The following LSM4 variants were observed in gnomAD, a reference collection of about 807,000 sequenced individuals.
LSM4 encodes U6 snRNA-associated Sm-like protein LSm4.
Under a neutral mutation model 22.3 loss-of-function variants are expected in LSM4, and 15 were observed. The ratio of observed to expected loss-of-function variants is 0.67; its 90% CI spans 0.45 to 1.03. The LOEUF is 1.03. Among genes scored for constraint, LSM4 ranks in the 50% least tolerant of loss-of-function variants. The pLI is 0.00. For missense variants in LSM4, 127 were observed against 198.0 expected (o/e 0.64, Z 2.15); for synonymous variants, 90 against 79.8 (o/e 1.13, Z -0.68).
rs1970310345 is a variant in LSM4 at position 18,312,604 on chromosome 19, C to T, written c.144G>A (p.Arg48=). The change falls in exon 3 of 5, where the codon AGG becomes AGA. Residue 48 remains arginine, a splice_region_variant and synonymous_variant. Transcript: ENST00000593829. Reference sequence around the variant, plus strand: ...CCCCGTTGGTGGGTGCAGCACCCACCCTGGACGTGCAGATGACTTCTCGCA... The same window carrying T: ...CCCCGTTGGTGGGTGCAGCACCCACTCTGGACGTGCAGATGACTTCTCGCA... ...INLREVICTS[R]DGDKFWRMPE... 6.2e-7 allele frequency: 1 copy of T among 1,613,634 alleles called. No individual in the cohort carries two copies. The highest frequency in any genetic ancestry group is 1.3e-5 in the African/African-American group (1 of 75,034).
intron 3 of LSM4, among the ~76,000 whole-genome samples, chr19:18,311,792 G>A (rs545393081): frequency 3.3e-5 from 5 of 152,288 alleles, no homozygotes; most frequent in East Asian, 3.9e-4. Flanking sequence ...GCCCAGTCCC[G>A]GGTGGGGGTG....
intron 1 of LSM4, among the ~76,000 whole-genome samples, chr19:18,322,772 CT>C (rs1243454338): frequency 1.3e-5 from 2 of 151,892 alleles, no homozygotes; most frequent in Non-Finnish European, 2.9e-5. Context: ...ACTGGGAAAA[CT>C]AACTAAGGCG....
intron 3 of LSM4, among the ~76,000 whole-genome samples, chr19:18,311,371 G>A (rs897596358): frequency 6.6e-6 from 1 of 152,152 alleles, no homozygotes; most frequent in Non-Finnish European, 1.5e-5. Flanking sequence ...CCAGCCACAT[G>A]TGACGGCAGC....
At chr19:18,310,139 T>C in intron 3 of LSM4, 1 of 452,482 alleles carries the variant, frequency 2.2e-6, no homozygotes, top group Non-Finnish European at 3.9e-6. Context: ...CCTCTGCCCG[T>C]GGGCCTGGCT....
chr19:18,307,947 CGG>C (rs145944198), intron 4 of LSM4, among the ~76,000 whole-genome samples: 1 of 120,826 alleles, frequency 8.3e-6, no homozygotes, highest in African/African-American at 3.1e-5. Flanking sequence ...GGCTCCCTGG[CGG>C]GGGGGGGGCC....
intron 1 of LSM4, chr19:18,316,337 ATTTTTTTT>A (rs35435536): frequency 1.6e-5 from 2 of 123,262 alleles, no homozygotes; most frequent in East Asian, 4.2e-4. Flanking sequence ...ACTCTGGTCA[ATTTTTTTT>A]TTTTTTTTTT....
intron 3 of LSM4, among the ~76,000 whole-genome samples, chr19:18,311,326 G>A (rs1442058280): frequency 2.0e-5 from 3 of 152,164 alleles, no homozygotes; most frequent in Non-Finnish European, 4.4e-5. Context: ...GCCCCACTTA[G>A]ATGGGGACGA....
At chr19:18,316,281 C>T (rs1034438158) in intron 1 of LSM4, 4 of 481,088 alleles carry the variant, frequency 8.3e-6, no homozygotes, top group African/African-American at 6.0e-5. Flanking sequence ...CCTCACACAC[C>T]CTCCCTACTC....
At chr19:18,311,045 G>C (rs1010695734) in intron 3 of LSM4, among the ~76,000 whole-genome samples, 52 of 152,292 alleles carry the variant, frequency 3.4e-4, no homozygotes, top group African/African-American at 1.2e-3. Flanking sequence ...AGCGCTGGGC[G>C]GGGAGGAACA....
At chr19:18,310,442 G>T (rs949679332) in intron 3 of LSM4, among the ~76,000 whole-genome samples, 1 of 152,326 alleles carries the variant, frequency 6.6e-6, no homozygotes, top group African/African-American at 2.4e-5. Flanking sequence ...CGGGAAATGG[G>T]GGGACTTGGG....
intron 1 of LSM4, among the ~76,000 whole-genome samples, chr19:18,317,418 C>T (rs1040868242): frequency 1.3e-5 from 2 of 151,804 alleles, no homozygotes; most frequent in Non-Finnish European, 2.9e-5. Context: ...CTACAAGCTC[C>T]GCCTCCCGGG....
At chr19:18,315,903 G>A (rs1970349659) in intron 2 of LSM4, 121 bp downstream of exon 2, 4 of 825,166 alleles carry the variant, frequency 4.8e-6, no homozygotes, top group South Asian at 4.5e-5. Context: ...TGGGGAGGGA[G>A]AAGAGAGCAA....
intron 3 of LSM4, among the ~76,000 whole-genome samples, chr19:18,310,428 G>A (rs1259297596): frequency 6.6e-6 from 1 of 152,204 alleles, no homozygotes. Flanking sequence ...TGGGTGAAGA[G>A]GGGCGGGAAA....
intron 1 of LSM4, among the ~76,000 whole-genome samples, chr19:18,316,927 ATTT>A (rs1970363259): frequency 6.6e-6 from 1 of 151,974 alleles, no homozygotes; most frequent in African/African-American, 2.4e-5. Flanking sequence ...AGCTGGTTTT[ATTT>A]TTATTTTTTT....
At position 18,312,733 on chromosome 19, in the gene LSM4, T is replaced by C. The variant is rs200988165; in HGVS notation, c.46-31A>G. On this transcript the variant is annotated intron_variant, in intron 2 of 4. Transcript: ENST00000593829. ...AGAGAGACAGGCTAGAGGTTGGCTG[T>C]AGCCCTGGAGCCCTGCGCCATGGGC... 1.0e-4 allele frequency: 156 copies of C among 1,561,076 alleles called. No homozygotes were observed. In the African/African-American group the frequency reaches 2.0e-3, roughly 20 times the overall value.
intron 1 of LSM4, among the ~76,000 whole-genome samples, chr19:18,322,712 T>C (rs1242430005): frequency 6.6e-6 from 1 of 151,956 alleles, no homozygotes; most frequent in African/African-American, 2.4e-5. Context: ...TCTGCTGCAT[T>C]TGGCGGATCC....
rs1970349947 is a variant in LSM4, at chr19:18,315,920, A to T, written c.45+104T>A. On this transcript the variant is annotated intron_variant, in intron 2 of 4. Transcript: ENST00000593829. Reference sequence around the variant, plus strand: ...GGGAGGGAGAAGAGAGCAAACTGCCATGCTGGTGGACAGGCAGGCCAGGAA... The same window carrying T: ...GGGAGGGAGAAGAGAGCAAACTGCCTTGCTGGTGGACAGGCAGGCCAGGAA... The T allele has an allele frequency of 3.0e-6, 3 of 1,013,922 alleles. No individual in the cohort carries two copies. In the African/African-American group the frequency reaches 4.8e-5, roughly 16 times the overall value. 62.8% of individuals were successfully genotyped at this position (1,013,922 alleles called of 1,614,324 possible).
chr19:18,311,325 A>C (rs1970295303), intron 3 of LSM4, among the ~76,000 whole-genome samples: 1 of 152,138 alleles, frequency 6.6e-6, no homozygotes, highest in Non-Finnish European at 1.5e-5. Flanking sequence ...GGCCCCACTT[A>C]GATGGGGACG....
intron 1 of LSM4, among the ~76,000 whole-genome samples, chr19:18,317,655 G>A (rs1439956041): frequency 1.3e-5 from 2 of 151,958 alleles, no homozygotes; most frequent in Non-Finnish European, 2.9e-5. Flanking sequence ...CCCTGAACTG[G>A]GTTTTCAAAG....
Sources: gnomAD v4.1 joint callset for allele counts (sites outside exome capture counted in the v4.1 genomes callset) on GRCh38, gnomAD v4.1.1 for gene constraint, MANE v1.5 for transcripts, NCBI Gene and HGNC (gene_info 2026-07-23, HGNC 2026-07-21) for gene names.